Variants in CCSER1 observed in about 807,000 individuals in gnomAD.
CCSER1 encodes the protein coiled-coil serine rich protein 1.
A neutral mutation model predicts 82.0 loss-of-function variants in CCSER1; 41 were observed. The observed-to-expected ratio is 0.50, with a 90% CI of 0.39 to 0.65. The LOEUF is 0.65. CCSER1 is among the 30% of genes least tolerant of loss of function. The probability of loss-of-function intolerance (pLI) is 0.00; values close to 1 mark genes in which losing one functional copy is unlikely to be tolerated. For synonymous variants in CCSER1, 414 were observed against 383.9 expected, an observed-to-expected ratio of 1.08 and a Z score of -0.92; for missense variants, 1,119 against 1,064.2, an observed-to-expected ratio of 1.05 and a Z score of -0.72.
chr4:91,307,197 C>T (rs1254070939), intron 10 of CCSER1, among the ~76,000 whole-genome samples: 1 of 151,712 alleles, frequency 6.6e-6, no homozygotes, highest in Non-Finnish European at 1.5e-5. Flanking sequence ...TCTGTGTTTT[C>T]ATAGAATATA....
At chr4:91,465,073 C>T (rs1756794008) in intron 10 of CCSER1, among the ~76,000 whole-genome samples, 1 of 152,194 alleles carries the variant, frequency 6.6e-6, no homozygotes, top group Non-Finnish European at 1.5e-5. Flanking sequence ...CACCACATCA[C>T]ATTTATTCCA....
chr4:91,501,093 G>A (rs746311760), intron 10 of CCSER1, among the ~76,000 whole-genome samples: 30 of 151,688 alleles, frequency 2.0e-4, no homozygotes, highest in Non-Finnish European at 4.1e-4. Flanking sequence ...ATTATTAGAT[G>A]TATATCAAGC....
intron 1 of CCSER1, among the ~76,000 whole-genome samples, chr4:90,271,848 ATATATATATATATATTT>A (rs1726443468): frequency 4.3e-5 from 1 of 23,352 alleles, no homozygotes; most frequent in African/African-American, 4.0e-4. Flanking sequence ...ATATATATAT[ATATATATATATATATTT>A]TTTTTTTTTT....
At chr4:90,912,498 C>T (rs1372367266) in intron 8 of CCSER1, among the ~76,000 whole-genome samples, 2 of 152,110 alleles carry the variant, frequency 1.3e-5, no homozygotes, top group Non-Finnish European at 2.9e-5. Flanking sequence ...ACGTCACCAT[C>T]ATCAAAGACA....
chr4:91,547,343 G>A (rs755919273), intron 10 of CCSER1, among the ~76,000 whole-genome samples: 58 of 152,078 alleles, frequency 3.8e-4, no homozygotes, highest in Non-Finnish European at 4.9e-4. Context: ...TTGTCCTGTA[G>A]TTCTGTCAGG....
chr4:90,343,142 T>C (rs1741722193), intron 3 of CCSER1, among the ~76,000 whole-genome samples: 1 of 152,200 alleles, frequency 6.6e-6, no homozygotes. Context: ...AAATAAACTA[T>C]CCTTGCTATC....
chr4:90,416,663 A>AT (rs942994845), intron 4 of CCSER1, among the ~76,000 whole-genome samples: 4 of 152,104 alleles, frequency 2.6e-5, no homozygotes, highest in Middle Eastern at 3.2e-3. Flanking sequence ...ATTATTGGTT[A>AT]TTTTTTGTAG....
At chr4:91,152,145 A>C (rs1044172727) in intron 10 of CCSER1, among the ~76,000 whole-genome samples, 7 of 152,152 alleles carry the variant, frequency 4.6e-5, no homozygotes, top group Non-Finnish European at 8.8e-5. Context: ...TTCCTTTATG[A>C]ATCTGGGTGC....
chr4:90,435,480 G>A (rs1758877541), intron 4 of CCSER1, among the ~76,000 whole-genome samples: 1 of 152,028 alleles, frequency 6.6e-6, no homozygotes, highest in East Asian at 1.9e-4. Context: ...CTCCAATATT[G>A]TGCTCCTTCT....
At chr4:90,882,477 A>G (rs1031966380) in intron 8 of CCSER1, among the ~76,000 whole-genome samples, 1 of 152,074 alleles carries the variant, frequency 6.6e-6, no homozygotes, top group African/African-American at 2.4e-5. Flanking sequence ...TTTTTCATTT[A>G]TATGCTGTGA....
chr4:91,203,591 A>G (rs561369336), intron 10 of CCSER1, among the ~76,000 whole-genome samples: 1 of 151,988 alleles, frequency 6.6e-6, no homozygotes, highest in African/African-American at 2.4e-5. Context: ...ACATGCATAA[A>G]CACACATGTA....
intron 8 of CCSER1, among the ~76,000 whole-genome samples, chr4:90,894,591 C>T (rs1377941106): frequency 6.6e-6 from 1 of 151,938 alleles, no homozygotes; most frequent in Non-Finnish European, 1.5e-5. Context: ...CTCTGCCTCC[C>T]CTTTTTTGTC....
chr4:90,748,129 G>A (rs1406930794), intron 7 of CCSER1, among the ~76,000 whole-genome samples: 1 of 145,126 alleles, frequency 6.9e-6, no homozygotes, highest in Non-Finnish European at 1.5e-5. Context: ...CTGGTGCGCT[G>A]CACCCACTAA....
chr4:91,287,853 G>T (rs1743405286), intron 10 of CCSER1, among the ~76,000 whole-genome samples: 1 of 151,726 alleles, frequency 6.6e-6, no homozygotes, highest in Non-Finnish European at 1.5e-5. Flanking sequence ...AATGCAATAT[G>T]TGTTATAATC....
intron 9 of CCSER1, among the ~76,000 whole-genome samples, chr4:90,932,962 GAAAGAAAGAAAGAAAGAAAGA>G (rs1730162169): frequency 2.9e-5 from 1 of 34,816 alleles, no homozygotes; most frequent in African/African-American, 1.9e-4. Flanking sequence ...AAGAAAGAAA[GAAAGAAAGAAAGAAAGAAAGA>G]GAAAGAAAGA....
intron 10 of CCSER1, among the ~76,000 whole-genome samples, chr4:91,461,575 T>G (rs1394280303): frequency 6.6e-6 from 1 of 152,204 alleles, no homozygotes; most frequent in Non-Finnish European, 1.5e-5. Flanking sequence ...TTAAGGTTCC[T>G]GACCACCAGC....
At chr4:90,728,044 A>G (rs1369945967) in intron 7 of CCSER1, among the ~76,000 whole-genome samples, 1 of 152,184 alleles carries the variant, frequency 6.6e-6, no homozygotes, top group Non-Finnish European at 1.5e-5. Flanking sequence ...CCAATCCTTG[A>G]TCAAAATTTA....
intron 7 of CCSER1, among the ~76,000 whole-genome samples, chr4:90,799,155 G>T (rs1756441562): frequency 6.6e-6 from 1 of 152,130 alleles, no homozygotes; most frequent in African/African-American, 2.4e-5. Context: ...TGGCTCAGGG[G>T]TGGGGTGCTG....
At chr4:90,900,146 T>C (rs1724414826) in intron 8 of CCSER1, among the ~76,000 whole-genome samples, 1 of 145,500 alleles carries the variant, frequency 6.9e-6, no homozygotes, top group East Asian at 2.1e-4. Flanking sequence ...ATTTTGGAAC[T>C]CATTATTGGT....
Sources: allele counts gnomAD v4.1 joint callset (sites outside exome capture counted in the v4.1 genomes callset), GRCh38; gene constraint gnomAD v4.1.1; transcripts MANE v1.5; gene names NCBI Gene and HGNC (gene_info 2026-07-23, HGNC 2026-07-21).